GOLGA8B: variants seen among roughly 807,000 people sequenced by gnomAD.
GOLGA8B encodes the protein golgin subfamily A member 8B.
In GOLGA8B, 1 loss-of-function variant was observed where a neutral mutation model predicts 15.6. The observed-to-expected ratio is 0.06, with a 90% CI of 0.02 to 0.30. The LOEUF is 0.30. Among genes scored for constraint, GOLGA8B ranks in the 10% least tolerant of loss-of-function variants. The pLI, the probability that GOLGA8B is intolerant of heterozygous loss-of-function variation, is 1.00. For synonymous variants in GOLGA8B, 9 were observed against 80.3 expected (o/e 0.11, Z 4.75); for missense variants, 17 against 201.3 (o/e 0.08, Z 5.54).
intron 1 of GOLGA8B, among the ~76,000 whole-genome samples, chr15:34,577,507 TACACACAC>T (rs71119972): frequency 0.15 from 19,211 of 125,078 alleles, 1,313 homozygotes; most frequent in African/African-American, 0.17. Context: ...TTATATATCA[TACACACAC>T]ACACACACAC....
At position 34,574,129 on chromosome 15, in the gene GOLGA8B, G is replaced by A. The variant is rs190515059; in HGVS notation, c.-1123+9387C>T. ...CTCACCATCCCCACTCCCACTGCCC[G>A]GTGTGTCATGGGAAGTCTCTGAAAT... On this transcript the variant is annotated intron_variant, in intron 1 of 23. Transcript: ENST00000683415. 3.6e-4 allele frequency among the ~76,000 whole-genome samples: 54 copies of A among 152,098 alleles called. No individual in the cohort carries two copies. In the East Asian group the frequency reaches 3.9e-3, roughly 11 times the overall value.
At chr15:34,580,768 T>G (rs577879383) in intron 1 of GOLGA8B, among the ~76,000 whole-genome samples, 2 of 152,054 alleles carry the variant, frequency 1.3e-5, no homozygotes, top group South Asian at 2.1e-4. Flanking sequence ...AAGGGAACAT[T>G]GAGCACCCCC....
intron 1 of GOLGA8B, among the ~76,000 whole-genome samples, chr15:34,554,501 CAT>C (rs1457565768): frequency 7.5e-6 from 1 of 132,544 alleles, no homozygotes; most frequent in Non-Finnish European, 1.6e-5. Flanking sequence ...ACAAAACATA[CAT>C]ACACGCTCAA....
chr15:34,568,862 C>T (rs1888830565), intron 1 of GOLGA8B, among the ~76,000 whole-genome samples: 1 of 129,304 alleles, frequency 7.7e-6, no homozygotes, highest in Admixed American at 7.5e-5. Flanking sequence ...TTCATAGGCC[C>T]CAGAGTCAGA....
rs565946382 is a variant in GOLGA8B at position 34,543,346 on chromosome 15, T to G, written c.-382+1512A>C. ...GTAGGTGCCCCATACACAGCTTTTT[T>G]CTTCTTCTTCTTTTTTTTTTGGTGG... On this transcript the variant is annotated intron_variant, in intron 7 of 23. Transcript: ENST00000683415. Among the ~76,000 whole-genome samples, 3 of 147,454 alleles carry G rather than the reference T, an allele frequency of 2.0e-5. No homozygotes were observed. In the East Asian group the frequency reaches 6.0e-4, roughly 29 times the overall value.
chr15:34,563,621 G>C (rs1363415099), intron 1 of GOLGA8B, among the ~76,000 whole-genome samples: 2 of 151,792 alleles, frequency 1.3e-5, no homozygotes, highest in Non-Finnish European at 2.9e-5. Context: ...TTCCCATGGA[G>C]CCTCAGGAAA....
At chr15:34,582,481 G>C (rs79732377) in intron 1 of GOLGA8B, among the ~76,000 whole-genome samples, 1 of 152,262 alleles carries the variant, frequency 6.6e-6, no homozygotes, top group Non-Finnish European at 1.5e-5. Context: ...CGCAAGATGC[G>C]AAGTTTGGGG....
At chr15:34,580,909 C>T (rs530550408) in intron 1 of GOLGA8B, among the ~76,000 whole-genome samples, 3 of 152,306 alleles carry the variant, frequency 2.0e-5, no homozygotes, top group East Asian at 3.9e-4. Flanking sequence ...CTAGTCCTCA[C>T]GGCCACCTGG....
In GOLGA8B at chr15:34,527,119, A is replaced by G. The variant is rs1213571536; in HGVS notation, c.*513T>C. On this transcript the variant is annotated 3_prime_UTR_variant, in exon 24 of 24. Coordinates refer to ENST00000683415, the MANE Select transcript of GOLGA8B (RefSeq NM_001023567.5). ...TCTAAGTGTCAGTACTCATAGTGGC[A>G]TATTACAAAGTAATAAACAGTGCAC... 3 of 222,842 alleles carry G rather than the reference A, an allele frequency of 1.3e-5. No individual in the cohort carries two copies. Among genetic ancestry groups the G allele is most frequent in the African/African-American group, 2.4e-5 (1 of 41,556 alleles). 13.8% of individuals were successfully genotyped at this position (222,842 alleles called of 1,614,324 possible).
intron 1 of GOLGA8B, among the ~76,000 whole-genome samples, chr15:34,576,120 C>A (rs1027666768): frequency 5.9e-5 from 9 of 152,132 alleles, no homozygotes; most frequent in African/African-American, 2.2e-4. Flanking sequence ...ATTAAGCCAC[C>A]CTATGTGATG....
intron 7 of GOLGA8B, among the ~76,000 whole-genome samples, chr15:34,543,359 T>C (rs539871967): frequency 5.2e-4 from 77 of 147,854 alleles, no homozygotes; most frequent in Non-Finnish European, 9.3e-4. Context: ...TCTTCTTCTT[T>C]TTTTTTTGGT....
intron 1 of GOLGA8B, among the ~76,000 whole-genome samples, chr15:34,576,641 C>T (rs561937512): frequency 6.6e-6 from 1 of 152,230 alleles, no homozygotes; most frequent in Non-Finnish European, 1.5e-5. Context: ...AGGAAAACCT[C>T]GATTTCACCC....
intron 1 of GOLGA8B, among the ~76,000 whole-genome samples, chr15:34,573,287 G>A (rs551945952): frequency 6.6e-6 from 1 of 152,030 alleles, no homozygotes; most frequent in Admixed American, 6.5e-5. Flanking sequence ...GCCTGTAATC[G>A]CAGCACTTTG....
At chr15:34,583,124 C>T (rs1162735321) in intron 1 of GOLGA8B, among the ~76,000 whole-genome samples, 4 of 152,034 alleles carry the variant, frequency 2.6e-5, no homozygotes, top group Admixed American at 2.0e-4. Flanking sequence ...CGGCGTCAAG[C>T]GGGGCAGCGG....
At chr15:34,566,957 T>C (rs570038347) in intron 1 of GOLGA8B, among the ~76,000 whole-genome samples, 1 of 116,194 alleles carries the variant, frequency 8.6e-6, no homozygotes, top group African/African-American at 3.5e-5. Context: ...GCAGACTTCA[T>C]GGCTGAAAGC....
In GOLGA8B at chr15:34,583,645, G is replaced by A. The variant is rs1889312320; in HGVS notation, c.-1252C>T. On this transcript the variant is annotated 5_prime_UTR_variant, in exon 1 of 24. Transcript: ENST00000683415. Reference sequence around the variant, plus strand: ...ACCGCGACTGCTAATTAGCCCGGAAGCTGAATAGCGGCGGGTACATACCGC... The same window carrying A: ...ACCGCGACTGCTAATTAGCCCGGAAACTGAATAGCGGCGGGTACATACCGC... 6.6e-6 allele frequency: 1 copy of A among 152,174 alleles called. No homozygotes were observed. Among genetic ancestry groups the A allele is most frequent in the Admixed American group, 6.5e-5 (1 of 15,290 alleles). 9.4% of individuals were successfully genotyped at this position (152,174 alleles called of 1,614,324 possible). A position where few individuals can be genotyped will look rare whatever the true frequency, so the allele number is the denominator to read the frequency against.
intron 1 of GOLGA8B, chr15:34,574,849 T>G (rs1889024493): frequency 6.6e-6 from 1 of 152,250 alleles, no homozygotes; most frequent in Admixed American, 6.5e-5. Flanking sequence ...CCTCTGACGC[T>G]TCACATTATC....
intron 4 of GOLGA8B, among the ~76,000 whole-genome samples, chr15:34,549,091 C>A (rs1888347152): frequency 4.4e-5 from 1 of 22,662 alleles, no homozygotes; most frequent in Non-Finnish European, 8.5e-5. Context: ...CAATATTATT[C>A]AAGCTTGAGC....
chr15:34,569,965 A>G (rs920609925), intron 1 of GOLGA8B, among the ~76,000 whole-genome samples: 3 of 152,192 alleles, frequency 2.0e-5, no homozygotes, highest in Admixed American at 6.5e-5. Flanking sequence ...TGGTACAGTC[A>G]GGGTGGGGGC....
Sources: allele counts gnomAD v4.1 joint callset (sites outside exome capture counted in the v4.1 genomes callset), GRCh38; gene constraint gnomAD v4.1.1; transcripts MANE v1.5; gene names NCBI Gene and HGNC (gene_info 2026-07-23, HGNC 2026-07-21).